GRID2: variants seen among roughly 807,000 people sequenced by gnomAD.
GRID2 encodes the protein glutamate ionotropic receptor delta type subunit 2, also known as glutamate receptor ionotropic, delta-2.
GRID2 carries 33 observed loss-of-function variants against 114.8 expected under a neutral mutation model. That is an observed-to-expected ratio of 0.29 (90% confidence interval 0.22 to 0.38). The LOEUF is 0.38. Among genes scored for constraint, GRID2 ranks in the 10% least tolerant of loss-of-function variants. The pLI, the probability that GRID2 is intolerant of heterozygous loss-of-function variation, is 1.00. For missense variants in GRID2, 1,184 were observed against 1,257.7 expected, an observed-to-expected ratio of 0.94 and a Z score of 0.89; for synonymous variants, 505 against 449.9, an observed-to-expected ratio of 1.12 and a Z score of -1.55.
At chr4:93,162,931 G>A (rs1018480691) in intron 4 of GRID2, among the ~76,000 whole-genome samples, 4 of 151,802 alleles carry the variant, frequency 2.6e-5, no homozygotes, top group Non-Finnish European at 5.9e-5. Flanking sequence ...ATTCATGCTG[G>A]CCCACACAGG....
intron 2 of GRID2, among the ~76,000 whole-genome samples, chr4:92,975,430 C>T (rs1429316825): frequency 1.3e-5 from 2 of 152,048 alleles, no homozygotes; most frequent in East Asian, 3.9e-4. Flanking sequence ...AATTTGCCTT[C>T]CTAACCTATA....
intron 14 of GRID2, among the ~76,000 whole-genome samples, chr4:93,689,607 C>A (rs1726368548): frequency 6.6e-6 from 1 of 151,868 alleles, no homozygotes; most frequent in Admixed American, 6.6e-5. Flanking sequence ...TCTCTTTGTT[C>A]CATCCCAAAA....
At chr4:93,808,642 C>T (rs1046843026) in exon 2 of GRID2, 1 of 152,104 alleles carries the variant, frequency 6.6e-6, no homozygotes, top group African/African-American at 2.4e-5. Flanking sequence ...GTCCGGAGGA[C>T]CAAAACCGGG....
At chr4:93,384,444 A>G (rs1420174609) in intron 8 of GRID2, among the ~76,000 whole-genome samples, 1 of 152,160 alleles carries the variant, frequency 6.6e-6, no homozygotes, top group African/African-American at 2.4e-5. Flanking sequence ...TCTCCTTTGT[A>G]AAACACTCAG....
At chr4:93,767,017 C>T (rs373915868) in intron 14 of GRID2, among the ~76,000 whole-genome samples, 1 of 152,144 alleles carries the variant, frequency 6.6e-6, no homozygotes, top group African/African-American at 2.4e-5. Context: ...ATGATTACAT[C>T]TTTGTGTGTT....
chr4:92,946,092 T>G (rs1478206211), intron 2 of GRID2, among the ~76,000 whole-genome samples: 2 of 152,084 alleles, frequency 1.3e-5, no homozygotes, highest in African/African-American at 4.8e-5. Context: ...GAGGAGAAAA[T>G]TTAAAAAATT....
At chr4:92,318,026 T>G (rs1025402815) in intron 1 of GRID2, among the ~76,000 whole-genome samples, 1 of 152,166 alleles carries the variant, frequency 6.6e-6, no homozygotes, top group African/African-American at 2.4e-5. Context: ...CAATACACAT[T>G]GAGTCTTGAG....
chr4:93,125,758 C>T (rs1219833328), intron 4 of GRID2, among the ~76,000 whole-genome samples: 1 of 151,870 alleles, frequency 6.6e-6, no homozygotes, highest in Non-Finnish European at 1.5e-5. Context: ...TAAGCAAATC[C>T]TTATTAAAAA....
intron 12 of GRID2, among the ~76,000 whole-genome samples, chr4:93,512,267 A>T (rs772466949): frequency 6.6e-6 from 1 of 152,214 alleles, no homozygotes; most frequent in Non-Finnish European, 1.5e-5. Flanking sequence ...TGACCTTCAG[A>T]TACAAGTTTT....
intron 2 of GRID2, among the ~76,000 whole-genome samples, chr4:92,917,857 T>G (rs896213923): frequency 1.3e-5 from 2 of 152,180 alleles, no homozygotes; most frequent in Non-Finnish European, 2.9e-5. Flanking sequence ...CCATGTGAGC[T>G]TTAAAGTAGT....
intron 2 of GRID2, among the ~76,000 whole-genome samples, chr4:92,928,553 A>C (rs1198177385): frequency 2.0e-5 from 3 of 151,598 alleles, no homozygotes; most frequent in African/African-American, 4.8e-5. Context: ...TATATCCATA[A>C]ATTTTCTTGC....
At chr4:92,952,535 T>C (rs1202273723) in intron 2 of GRID2, among the ~76,000 whole-genome samples, 4 of 152,242 alleles carry the variant, frequency 2.6e-5, no homozygotes, top group African/African-American at 4.8e-5. Flanking sequence ...CATTTCTGTT[T>C]CTACACAAAA....
intron 4 of GRID2, among the ~76,000 whole-genome samples, chr4:93,152,528 T>A (rs1410201994): frequency 6.6e-6 from 1 of 152,108 alleles, no homozygotes; most frequent in East Asian, 1.9e-4. Flanking sequence ...ACAGCTTAAA[T>A]TGAACAGGTG....
chr4:93,476,695 G>A lies in GRID2; in HGVS notation c.1859-13944G>A, dbSNP rs927784649. Among the ~76,000 whole-genome samples the A allele has an allele frequency of 2.2e-4, 34 of 152,094 alleles. 1 individual carries two copies. Among genetic ancestry groups the A allele is most frequent in the Middle Eastern group, 3.2e-3 (1 of 316 alleles). On this transcript the variant is annotated intron_variant, in intron 11 of 15. Transcript: ENST00000282020. ...AAGCTGAAGATATTTCTAAATATAT[G>A]TGTGTGGTTTTGACAAAATGCTACG...
At chr4:93,457,974 T>G (rs1277338602) in intron 11 of GRID2, among the ~76,000 whole-genome samples, 1 of 152,084 alleles carries the variant, frequency 6.6e-6, no homozygotes, top group East Asian at 1.9e-4. Flanking sequence ...TTAATATATA[T>G]TTAGGAGATA....
chr4:92,380,169 T>C (rs894493264), intron 1 of GRID2, among the ~76,000 whole-genome samples: 2 of 151,912 alleles, frequency 1.3e-5, no homozygotes, highest in African/African-American at 4.8e-5. Context: ...TTTGTATCAC[T>C]TAGCCCTTTG....
At chr4:93,005,609 T>C (rs1209544447) in intron 2 of GRID2, among the ~76,000 whole-genome samples, 1 of 152,064 alleles carries the variant, frequency 6.6e-6, no homozygotes, top group Non-Finnish European at 1.5e-5. Context: ...TGAATGTTCA[T>C]AGTAGCACTA....
At chr4:92,887,840 T>G (rs769429216) in intron 2 of GRID2, among the ~76,000 whole-genome samples, 1 of 152,210 alleles carries the variant, frequency 6.6e-6, no homozygotes, top group Non-Finnish European at 1.5e-5. Flanking sequence ...CTGGCTGAAC[T>G]GTGCATTTTC....
At chr4:93,568,636 A>G (rs1255375748) in intron 13 of GRID2, among the ~76,000 whole-genome samples, 1 of 152,194 alleles carries the variant, frequency 6.6e-6, no homozygotes, top group Non-Finnish European at 1.5e-5. Context: ...CATCATAACC[A>G]TCATTGTAAT....
Sources: gnomAD v4.1 joint callset for allele counts (sites outside exome capture counted in the v4.1 genomes callset) on GRCh38, gnomAD v4.1.1 for gene constraint, MANE v1.5 for transcripts, NCBI Gene and HGNC (gene_info 2026-07-23, HGNC 2026-07-21) for gene names.